The following CHN1 variants were observed in gnomAD, a reference collection of about 807,000 sequenced individuals.
CHN1 encodes N-chimaerin.
CHN1 carries 37 observed loss-of-function variants against 59.5 expected under a neutral mutation model. The ratio of observed to expected loss-of-function variants is 0.62; its 90% CI spans 0.48 to 0.82. The LOEUF (loss-of-function observed/expected upper bound fraction) is 0.82. Ranked by LOEUF, CHN1 falls within the 40% of genes least tolerant of loss-of-function variation. The pLI is 0.00. For synonymous variants in CHN1, 206 were observed against 200.4 expected, an observed-to-expected ratio of 1.03 and a Z score of -0.24; for missense variants, 469 against 571.0, an observed-to-expected ratio of 0.82 and a Z score of 1.82.
At chr2:174,820,130 C>A (rs531222554) in intron 8 of CHN1, among the ~76,000 whole-genome samples, 4 of 152,036 alleles carry the variant, frequency 2.6e-5, no homozygotes, top group African/African-American at 7.2e-5. Context: ...AATAAACATA[C>A]GTGTGCATGT....
At chr2:174,988,628 T>A (rs758680559) in intron 1 of CHN1, among the ~76,000 whole-genome samples, 4 of 152,180 alleles carry the variant, frequency 2.6e-5, no homozygotes, top group Non-Finnish European at 5.9e-5. Flanking sequence ...CAGCTATGAA[T>A]CTTCTTATAA....
intron 10 of CHN1, among the ~76,000 whole-genome samples, chr2:174,810,584 A>G (rs572669829): frequency 2.0e-5 from 3 of 152,160 alleles, no homozygotes; most frequent in Non-Finnish European, 4.4e-5. Flanking sequence ...TTCCCATTCA[A>G]TCTGGCAGGG....
At chr2:174,849,254 T>G (rs1686648117) in intron 6 of CHN1, among the ~76,000 whole-genome samples, 1 of 152,280 alleles carries the variant, frequency 6.6e-6, no homozygotes. Context: ...AGAAAATTTA[T>G]AGCTAGGTAA....
intron 5 of CHN1, among the ~76,000 whole-genome samples, chr2:174,894,190 G>A (rs1203501346): frequency 1.3e-5 from 2 of 152,106 alleles, no homozygotes; most frequent in African/African-American, 4.8e-5. Context: ...TAGGGAATGG[G>A]AGGAAATATT....
chr2:174,955,117 C>A (rs146919665), intron 1 of CHN1, among the ~76,000 whole-genome samples: 1,888 of 147,452 alleles, frequency 0.013, 34 homozygotes, highest in African/African-American at 0.044. Context: ...ATCTATAGAT[C>A]TATAGATCTA....
At chr2:174,903,883 G>C (rs1415546504) in intron 5 of CHN1, among the ~76,000 whole-genome samples, 4 of 152,068 alleles carry the variant, frequency 2.6e-5, no homozygotes, top group Admixed American at 2.6e-4. Context: ...ATCTTTAAAG[G>C]CTTTAAACAA....
rs150111519 is a variant in CHN1 at position 174,868,092 on chromosome 2, A to G, written c.549+9748T>C. Among the ~76,000 whole-genome samples the G allele has an allele frequency of 1.8e-3, 270 of 152,242 alleles. 1 individual carries two copies. Among genetic ancestry groups the G allele is most frequent in the Middle Eastern group, 3.4e-3 (1 of 294 alleles). On this transcript the variant is annotated intron_variant, in intron 6 of 12. Coordinates refer to ENST00000409900, the MANE Select transcript of CHN1 (RefSeq NM_001822.7). ...CCCCTTCCTTCTTTCTTTGTTTTTC[A>G]TATCTTTCTAATTTTTTATGAAGAG...
chr2:174,847,351 G>T, intron 6 of CHN1: 1 of 1,286,412 alleles, frequency 7.8e-7, no homozygotes, highest in African/African-American at 1.5e-5. Context: ...TTCTTAAAGG[G>T]ATCTATATTC....
rs1316764749 is a variant in CHN1 at position 174,878,611 on chromosome 2, C to T, written c.261-483G>A. Among the ~76,000 whole-genome samples the T allele has an allele frequency of 3.3e-5, 5 of 152,244 alleles. No individual in the cohort carries two copies. In the East Asian group the frequency reaches 5.8e-4, roughly 18 times the overall value. On this transcript the variant is annotated intron_variant, in intron 5 of 12. Transcript: ENST00000409900. Reference sequence around the variant, plus strand: ...TTTAGGGCTAACCAGAATATGATGCCAGCAATCACTTAAAGTAGAGCTGAC... The same window carrying T: ...TTTAGGGCTAACCAGAATATGATGCTAGCAATCACTTAAAGTAGAGCTGAC...
chr2:174,907,802 A>G (rs74908918), intron 5 of CHN1, among the ~76,000 whole-genome samples: 3,627 of 152,178 alleles, frequency 0.024, 143 homozygotes, highest in African/African-American at 0.082. Flanking sequence ...GAAATTTTAT[A>G]TAAGTAGTAT....
At chr2:174,818,769 ATTAC>A (rs924862821) in intron 8 of CHN1, among the ~76,000 whole-genome samples, 1 of 152,150 alleles carries the variant, frequency 6.6e-6, no homozygotes, top group Admixed American at 6.5e-5. Flanking sequence ...AAATATTTCT[ATTAC>A]TTAGACTACC....
chr2:174,924,283 A>G (rs1479646614), intron 3 of CHN1, among the ~76,000 whole-genome samples: 2 of 152,186 alleles, frequency 1.3e-5, no homozygotes, highest in Admixed American at 6.5e-5. Flanking sequence ...AGATGACCTG[A>G]GTCTGCATAA....
chr2:174,880,260 A>T (rs1453669191), intron 5 of CHN1, among the ~76,000 whole-genome samples: 1 of 152,202 alleles, frequency 6.6e-6, no homozygotes, highest in African/African-American at 2.4e-5. Context: ...GTAAAAATAA[A>T]AAATTTCCAT....
At chr2:174,930,090 A>C (rs541725787) in intron 3 of CHN1, among the ~76,000 whole-genome samples, 1 of 152,168 alleles carries the variant, frequency 6.6e-6, no homozygotes, top group Non-Finnish European at 1.5e-5. Flanking sequence ...TAAGTGTCTG[A>C]CCCATGACGA....
At chr2:174,864,953 C>CTTTA (rs570358823) in intron 6 of CHN1, among the ~76,000 whole-genome samples, 1 of 151,904 alleles carries the variant, frequency 6.6e-6, no homozygotes, top group African/African-American at 2.4e-5. Context: ...AGTCTAAATC[C>CTTTA]TTTATTTATT....
At chr2:174,990,233 CTGTGTGTG>C (rs954929353) in intron 1 of CHN1, among the ~76,000 whole-genome samples, 6 of 116,078 alleles carry the variant, frequency 5.2e-5, no homozygotes, top group African/African-American at 1.7e-4. Flanking sequence ...TGTGGTGTGT[CTGTGTGTG>C]TGTGTGTGTG....
rs1207343537 is a variant in CHN1 at position 174,918,581 on chromosome 2, A to T, written c.115-16T>A. 1 of 1,585,170 alleles carries T rather than the reference A, an allele frequency of 6.3e-7. No individual in the cohort carries two copies. The stretch of plus-strand genomic sequence containing the variant: ...TGTTTTCCACCTATTGGGAAAGCAA[A>T]AAAACAGGCATATTTGTAAAAATGC... On this transcript the variant is annotated splice_polypyrimidine_tract_variant and intron_variant, in intron 3 of 12. Transcript: ENST00000409900.
chr2:174,856,199 G>A (rs192791096), intron 6 of CHN1, among the ~76,000 whole-genome samples: 1 of 152,192 alleles, frequency 6.6e-6, no homozygotes, highest in East Asian at 1.9e-4. Context: ...CTTAAATTAT[G>A]TTGGGATAAA....
intron 3 of CHN1, among the ~76,000 whole-genome samples, chr2:174,931,910 AAG>A (rs1342347584): frequency 6.6e-6 from 1 of 152,176 alleles, no homozygotes; most frequent in East Asian, 1.9e-4. Context: ...GGTCAGGCTG[AAG>A]CAGAATGGGG....
Sources: gnomAD v4.1 joint callset for allele counts (sites outside exome capture counted in the v4.1 genomes callset) on GRCh38, gnomAD v4.1.1 for gene constraint, MANE v1.5 for transcripts, NCBI Gene and HGNC (gene_info 2026-07-23, HGNC 2026-07-21) for gene names.